Variants in CATSPER1 observed in about 807,000 individuals in gnomAD.
CATSPER1 encodes the protein cation channel sperm associated 1.
In CATSPER1, 57 loss-of-function variants were observed where a neutral mutation model predicts 72.7. The ratio of observed to expected loss-of-function variants is 0.78; its 90% CI spans 0.63 to 0.98. The LOEUF is 0.98. CATSPER1 is among the 50% of genes least tolerant of loss of function. The probability of loss-of-function intolerance (pLI) is 0.00; values close to 1 mark genes in which losing one functional copy is unlikely to be tolerated. For missense variants in CATSPER1, 910 were observed against 1,033.9 expected (o/e 0.88, Z 1.64); for synonymous variants, 363 against 403.0 (o/e 0.90, Z 1.19).
At chr11:66,024,230 T>C (rs1414422692) in intron 1 of CATSPER1, among the ~76,000 whole-genome samples, 4 of 150,126 alleles carry the variant, frequency 2.7e-5, no homozygotes, top group African/African-American at 9.9e-5. Flanking sequence ...ACTCCCAAAA[T>C]GTTAGGATTA....
Position 66,020,351 on chromosome 11 carries a change from G to A in CATSPER1, c.2030C>T (p.Ala677Val), listed in dbSNP as rs773724360. 9.9e-6 allele frequency: 16 copies of A among 1,613,978 alleles called. No individual in the cohort carries two copies. In the South Asian group the frequency reaches 1.3e-4, roughly 13 times the overall value. Residue 677 changes from alanine (A) to valine (V), a missense_variant, in exon 8 of 12, where the codon GCG (alanine) becomes GTG (valine). Transcript: ENST00000312106. The surrounding 1 kb of genome is among the most constrained non-coding windows in gnomAD (Gnocchi z 4.5). ...CGCTTTCTCAAGGCCTTTGAACAGC[G>A]CCGTCTGGAAGCTATCCACCAGGAC... The part of the protein sequence containing the change: ...ITVLVDSFQT[A>V]LFKGLEKAKQ...
rs752376070 is a variant in CATSPER1 at position 66,020,646 on chromosome 11, A to T, written c.1928-19T>A. ...CAGGCGCCTAGGGGGAGCAGGCCAG[A>T]GGGCACAGTCAGGCTGTGCTCGCCA... On this transcript the variant is annotated intron_variant, in intron 6 of 11. Coordinates refer to ENST00000312106, the MANE Select transcript of CATSPER1 (RefSeq NM_053054.4). This position sits in a 1 kb window ranked among gnomAD's most constrained non-coding sequence, Gnocchi z 4.5. 4.3e-6 allele frequency: 7 copies of T among 1,609,536 alleles called. No individual in the cohort carries two copies. Among genetic ancestry groups the T allele is most frequent in the Non-Finnish European group, 2.5e-6 (3 of 1,177,142 alleles).
At chr11:66,017,908 T>G (rs903229883) in intron 10 of CATSPER1, among the ~76,000 whole-genome samples, 1 of 152,140 alleles carries the variant, frequency 6.6e-6, no homozygotes, top group South Asian at 2.1e-4. Context: ...GTTTGAAAGA[T>G]AAGTGAGAGC....
In CATSPER1 at chr11:66,020,705, G is replaced by T; in HGVS notation, c.1928-78C>A. 1 of 1,593,040 alleles carries T rather than the reference G, an allele frequency of 6.3e-7. No homozygotes were observed. The highest frequency in any genetic ancestry group is 8.6e-7 in the Non-Finnish European group (1 of 1,164,172). On this transcript the variant is annotated intron_variant, in intron 6 of 11. Coordinates refer to ENST00000312106, the MANE Select transcript of CATSPER1 (RefSeq NM_053054.4). The surrounding 1 kb of genome is among the most constrained non-coding windows in gnomAD (Gnocchi z 4.5). The stretch of plus-strand genomic sequence containing the variant: ...CACGACCTGCTCCCTTCCCATACCC[G>T]GACATGCAGGCATCAGAAGCCCCAC...
intron 11 of CATSPER1, 44 bp downstream of exon 11, chr11:66,017,016 T>C (rs1459492715): frequency 6.2e-7 from 1 of 1,612,428 alleles, no homozygotes; most frequent in Non-Finnish European, 8.5e-7. Context: ...TACAAGCCCC[T>C]GGGGTTCCCC....
At position 66,020,750 on chromosome 11, in the gene CATSPER1, A is replaced by G; in HGVS notation, c.1927+61T>C. 1 of 1,610,746 alleles carries G rather than the reference A, an allele frequency of 6.2e-7. No homozygotes were observed. The highest frequency in any genetic ancestry group is 8.5e-7 in the Non-Finnish European group (1 of 1,178,350). On this transcript the variant is annotated intron_variant, in intron 6 of 11. Coordinates refer to ENST00000312106, the MANE Select transcript of CATSPER1 (RefSeq NM_053054.4). This position sits in a 1 kb window ranked among gnomAD's most constrained non-coding sequence, Gnocchi z 4.5. Reference sequence around the variant, plus strand: ...CCCCACTTTGCCGATGGGGTCACTGAGCCCTGGCCGGTCCACCCCGCCAAT... The same window carrying G: ...CCCCACTTTGCCGATGGGGTCACTGGGCCCTGGCCGGTCCACCCCGCCAAT...
intron 4 of CATSPER1, 120 bp downstream of exon 4, chr11:66,021,376 G>A: frequency 7.3e-7 from 1 of 1,371,986 alleles, no homozygotes; most frequent in Non-Finnish European, 1.0e-6. Flanking sequence ...GCAGGCTGGG[G>A]TCAGCAGCCT....
intron 10 of CATSPER1, among the ~76,000 whole-genome samples, chr11:66,017,454 G>A (rs529277994): frequency 2.1e-4 from 31 of 144,706 alleles, no homozygotes; most frequent in African/African-American, 6.0e-4. Context: ...ACGCCCACTC[G>A]ACCATCCACC....
chr11:66,016,769 G>T lies in CATSPER1; in HGVS notation c.*121C>A, dbSNP rs1856244920. On this transcript the variant is annotated 3_prime_UTR_variant, in exon 12 of 12. Coordinates refer to ENST00000312106, the MANE Select transcript of CATSPER1 (RefSeq NM_053054.4). Reference sequence around the variant, plus strand: ...GAGCCTCCTGGGGTTTAAAAACTCTGTTGGGGCCCCTGCTCTGCAGGGCCC... The same window carrying T: ...GAGCCTCCTGGGGTTTAAAAACTCTTTTGGGGCCCCTGCTCTGCAGGGCCC... 1 of 1,200,696 alleles carries T rather than the reference G, an allele frequency of 8.3e-7. No homozygotes were observed. The allele number at this position is 1,200,696 out of a possible 1,614,324, so 74.4% of individuals were successfully genotyped here. A position where few individuals can be genotyped will look rare whatever the true frequency, so the allele number is the denominator to read the frequency against.
intron 10 of CATSPER1, 143 bp downstream of exon 10, chr11:66,018,684 T>G (rs1856288182): frequency 1.1e-6 from 1 of 872,408 alleles, no homozygotes; most frequent in Admixed American, 2.0e-5. Context: ...GTCTCCTCGT[T>G]GCACCCACAG....
Position 66,025,329 on chromosome 11 carries a change from A to G in CATSPER1, c.1051T>C (p.Tyr351His), listed in dbSNP as rs1480324311. 3 of 1,614,028 alleles carry G rather than the reference A, an allele frequency of 1.9e-6. No individual in the cohort carries two copies. The South Asian group carries it at 3.3e-5, about 18-fold the overall frequency. ...PAASRTGVFP[Y>H]HVAHPRGSAH... ...GAGCCCCGTGGGTGTGCTACGTGATAGGGGAAGACTCCTGTACGAGAAGCA... is the reference window on the plus strand; with the variant it reads ...GAGCCCCGTGGGTGTGCTACGTGATGGGGGAAGACTCCTGTACGAGAAGCA... The change falls in exon 1 of 12, where the codon TAT (tyrosine) becomes CAT (histidine). Residue 351 changes from tyrosine (Y) to histidine (H), a missense_variant. Transcript: ENST00000312106.
At chr11:66,018,805 C>G in intron 10 of CATSPER1, 22 bp downstream of exon 10, 1 of 1,611,856 alleles carries the variant, frequency 6.2e-7, no homozygotes, top group Non-Finnish European at 8.5e-7. Flanking sequence ...CCCCAGGCCT[C>G]GCTCCCTTCC....
rs1856498425 is a variant in CATSPER1 at position 66,026,035 on chromosome 11, G to A, written c.345C>T (p.Tyr115=). 1 of 1,614,004 alleles carries A rather than the reference G, an allele frequency of 6.2e-7. No individual in the cohort carries two copies. The highest frequency in any genetic ancestry group is 1.1e-5 in the South Asian group (1 of 91,084). Residue 115 remains tyrosine, a synonymous_variant, in exon 1 of 12, where the codon TAC becomes TAT. Transcript: ENST00000312106. ...TGCCATCACGTTGGAGCTCATCATG[G>A]TAGTCCTCACCGTAGGAACGGTGGG... ...VPSHRSYGED[Y]HDELQRDGRR...
chr11:66,021,570 T>G lies in CATSPER1; in HGVS notation c.1617A>C (p.Gln539His), dbSNP rs1201807325. The stretch of plus-strand genomic sequence containing the variant: ...AGACCTTGAGGATCCGGAAGAGGCT[T>G]TGGTGGTAGATGGCGAAGGAGTGGG... ...MQTHSFAIYH[Q>H]SLFRILKVFK... Residue 539 changes from glutamine (Q) to histidine (H), a missense_variant, in exon 4 of 12, where the codon CAA becomes CAC. By Grantham distance (24) the Gln-to-His change is conservative. Coordinates refer to ENST00000312106, the MANE Select transcript of CATSPER1 (RefSeq NM_053054.4). 2 of 1,613,528 alleles carry G rather than the reference T, an allele frequency of 1.2e-6. No individual in the cohort carries two copies. The highest frequency in any genetic ancestry group is 1.7e-6 in the Non-Finnish European group (2 of 1,179,850).
rs1856320584 is a variant in CATSPER1 at position 66,020,048 on chromosome 11, A to T, written c.2125+92T>A. ...TCTAAAACTCTAAAACTGAGTCTGG[A>T]ATTCTGTGACTGTGGAAGGAGGTTA... On this transcript the variant is annotated intron_variant, in intron 9 of 11. Transcript: ENST00000312106. This position sits in a 1 kb window ranked among gnomAD's most constrained non-coding sequence, Gnocchi z 4.5. 1 of 1,365,406 alleles carries T rather than the reference A, an allele frequency of 7.3e-7. No homozygotes were observed. The highest frequency in any genetic ancestry group is 1.4e-5 in the African/African-American group (1 of 69,436). The allele number at this position is 1,365,406 out of a possible 1,614,324, so 84.6% of individuals were successfully genotyped here. A position where few individuals can be genotyped will look rare whatever the true frequency, so the allele number is the denominator to read the frequency against.
chr11:66,017,193 G>GTGGGGGGGGGGGGGGGGC lies in CATSPER1; in HGVS notation c.2202-20_2202-19insGCCCCCCCCCCCCCCCCA. 2.0e-6 allele frequency: 1 copy of GTGGGGGGGGGGGGGGGGC among 493,802 alleles called. No homozygotes were observed. Among genetic ancestry groups the GTGGGGGGGGGGGGGGGGC allele is most frequent in the Non-Finnish European group, 4.0e-6 (1 of 252,614 alleles). 30.6% of individuals were successfully genotyped at this position (493,802 alleles called of 1,614,324 possible). A position where few individuals can be genotyped will look rare whatever the true frequency, so the allele number is the denominator to read the frequency against. The stretch of plus-strand genomic sequence containing the variant: ...CTGCTGCCTGCGGGTGGGCGGGGGG[G>GTGGGGGGGGGGGGGGGGC]TCGCAGAGACAGGGGCTGGGCTGAC... On this transcript the variant is annotated intron_variant, in intron 10 of 11. Coordinates refer to ENST00000312106, the MANE Select transcript of CATSPER1 (RefSeq NM_053054.4).
chr11:66,019,009 G>A (rs1271130986), intron 9 of CATSPER1, 107 bp from the exon 10 acceptor site: 3 of 936,022 alleles, frequency 3.2e-6, no homozygotes, highest in Non-Finnish European at 5.2e-6. Flanking sequence ...TGGCCAGGCT[G>A]CTCCAGGAGG....
chr11:66,021,561 G>C lies in CATSPER1; in HGVS notation c.1626C>G (p.Phe542Leu), dbSNP rs769189808. ...HSFAIYHQSL[F>L]RILKVFKSLR... ...GGCTCTTGAAGACCTTGAGGATCCG[G>C]AAGAGGCTTTGGTGGTAGATGGCGA... The change falls in exon 4 of 12, where the codon TTC becomes TTG. Residue 542 changes from phenylalanine (F) to leucine (L), a missense_variant. By Grantham distance (22) the Phe-to-Leu change is conservative. Coordinates refer to ENST00000312106, the MANE Select transcript of CATSPER1 (RefSeq NM_053054.4). The C allele has an allele frequency of 1.5e-5, 24 of 1,613,806 alleles. No homozygotes were observed. Among genetic ancestry groups the C allele is most frequent in the Non-Finnish European group, 1.9e-5 (23 of 1,179,906 alleles).
At chr11:66,022,720 A>C (rs750170272) in intron 2 of CATSPER1, 129 bp downstream of exon 2, 47 of 863,842 alleles carry the variant, frequency 5.4e-5, no homozygotes, top group Non-Finnish European at 7.9e-5. Flanking sequence ...GGGTAAGGCC[A>C]TCTACTTCCC....
Sources: gnomAD v4.1 joint callset for allele counts (sites outside exome capture counted in the v4.1 genomes callset) on GRCh38, gnomAD v4.1.1 for gene constraint, Gnocchi (gnomAD v3.1) non-coding constraint, MANE v1.5 for transcripts, NCBI Gene and HGNC (gene_info 2026-07-23, HGNC 2026-07-21) for gene names.